Variants in LRMDA observed in about 807,000 individuals in gnomAD.
The protein encoded by LRMDA is leucine rich melanocyte differentiation associated, also known as leucine-rich melanocyte differentiation-associated protein.
LRMDA carries 18 observed loss-of-function variants against 29.8 expected under a neutral mutation model. The ratio of observed to expected loss-of-function variants is 0.60; its 90% CI spans 0.42 to 0.90. LRMDA has a LOEUF of 0.90. Among genes scored for constraint, LRMDA ranks in the 40% least tolerant of loss-of-function variants. LRMDA has a pLI of 0.00. For synonymous variants in LRMDA, 125 were observed against 109.4 expected (o/e 1.14, Z -0.89); for missense variants, 273 against 273.9 (o/e 1.00, Z 0.02).
At chr10:75,920,432 A>G (rs1191930165) in intron 2 of LRMDA, among the ~76,000 whole-genome samples, 2 of 152,218 alleles carry the variant, frequency 1.3e-5, no homozygotes, top group African/African-American at 2.4e-5. Context: ...TCACAAGAAA[A>G]TGAAGGACAG....
chr10:75,740,081 T>C (rs1001992429), intron 2 of LRMDA, among the ~76,000 whole-genome samples: 4 of 152,226 alleles, frequency 2.6e-5, no homozygotes, highest in African/African-American at 9.6e-5. Flanking sequence ...GGTAAATCAT[T>C]TAAGAGGCTC....
intron 2 of LRMDA, among the ~76,000 whole-genome samples, chr10:75,513,947 G>A (rs1248355706): frequency 6.6e-6 from 1 of 152,158 alleles, no homozygotes; most frequent in African/African-American, 2.4e-5. Context: ...GCCTACAATG[G>A]TAGGCAAGAA....
chr10:76,144,513 G>T (rs1439901210), intron 5 of LRMDA, among the ~76,000 whole-genome samples: 1 of 152,158 alleles, frequency 6.6e-6, no homozygotes, highest in East Asian at 1.9e-4. Flanking sequence ...TGGTGTATAA[G>T]AATGCTTGTG....
chr10:75,513,658 C>A (rs1390139675), intron 2 of LRMDA, among the ~76,000 whole-genome samples: 1 of 152,174 alleles, frequency 6.6e-6, no homozygotes, highest in Non-Finnish European at 1.5e-5. Context: ...GTTTCTTTGC[C>A]TTCCCAGCTT....
chr10:76,225,902 G>C (rs886987673), intron 5 of LRMDA, among the ~76,000 whole-genome samples: 4 of 117,664 alleles, frequency 3.4e-5, no homozygotes, highest in Non-Finnish European at 4.9e-5. Context: ...ACAGCCCCCG[G>C]TGTGTGATGT....
At chr10:75,483,718 AC>A (rs1156582385) in intron 2 of LRMDA, among the ~76,000 whole-genome samples, 1 of 152,232 alleles carries the variant, frequency 6.6e-6, no homozygotes, top group Non-Finnish European at 1.5e-5. Flanking sequence ...AAGCCACCTT[AC>A]TACTGTCTCT....
intron 6 of LRMDA, among the ~76,000 whole-genome samples, chr10:76,483,919 T>TA (rs1842756839): frequency 1.3e-5 from 2 of 151,908 alleles, no homozygotes; most frequent in African/African-American, 4.8e-5. Flanking sequence ...ATGATGCAGC[T>TA]GTTTATTTAC....
rs1842044767 is a variant in LRMDA at position 75,683,227 on chromosome 10, A to G, written c.131+244733A>G. On this transcript the variant is annotated intron_variant, in intron 2 of 6. Transcript: ENST00000611255. ...AATAATGCTGCTGTAAACCAGGCCA[A>G]GGCAGCACTCACCAAATTTCCTAGG... 2.6e-5 allele frequency among the ~76,000 whole-genome samples: 4 copies of G among 152,250 alleles called. No homozygotes were observed. The South Asian group carries it at 8.3e-4, about 31-fold the overall frequency.
At chr10:75,854,156 T>C (rs934545088) in intron 2 of LRMDA, among the ~76,000 whole-genome samples, 5 of 152,186 alleles carry the variant, frequency 3.3e-5, no homozygotes, top group Non-Finnish European at 5.9e-5. Flanking sequence ...CTCATGCGAA[T>C]GAGTGGCTCT....
At chr10:76,078,336 A>C (rs1239962500) in intron 5 of LRMDA, among the ~76,000 whole-genome samples, 1 of 152,040 alleles carries the variant, frequency 6.6e-6, no homozygotes, top group Non-Finnish European at 1.5e-5. Context: ...ACGTGTTTAC[A>C]CAGGTGACCT....
At chr10:76,201,640 TAC>T (rs1851433361) in intron 5 of LRMDA, among the ~76,000 whole-genome samples, 1 of 152,226 alleles carries the variant, frequency 6.6e-6, no homozygotes, top group Admixed American at 6.5e-5. Context: ...TTTTGTTGGA[TAC>T]ATTTTTCATG....
At chr10:76,142,683 T>TTTA (rs35542542) in intron 5 of LRMDA, among the ~76,000 whole-genome samples, 3,000 of 147,314 alleles carry the variant, frequency 0.02, 47 homozygotes, top group East Asian at 0.078. Context: ...TGTTATTATC[T>TTTA]TTATTATTAT....
At chr10:76,360,004 A>T (rs551443363) in intron 6 of LRMDA, among the ~76,000 whole-genome samples, 15 of 150,258 alleles carry the variant, frequency 1.0e-4, no homozygotes, top group African/African-American at 3.4e-4. Context: ...GTTTTTTTTT[A>T]TTTTTTTGAG....
chr10:76,148,113 G>C (rs186884890), intron 5 of LRMDA, among the ~76,000 whole-genome samples: 3 of 152,164 alleles, frequency 2.0e-5, no homozygotes, highest in Middle Eastern at 3.2e-3. Context: ...GTGCCTCCCC[G>C]TTAGGCTACT....
intron 2 of LRMDA, among the ~76,000 whole-genome samples, chr10:75,783,985 C>A (rs887803188): frequency 1.3e-5 from 2 of 152,110 alleles, no homozygotes; most frequent in Non-Finnish European, 2.9e-5. Context: ...AGAAGCAATA[C>A]CTAATTGCCG....
At chr10:75,685,549 A>G (rs146512316) in intron 2 of LRMDA, among the ~76,000 whole-genome samples, 48 of 152,310 alleles carry the variant, frequency 3.2e-4, no homozygotes, top group African/African-American at 1.0e-3. Context: ...TCATCCATCT[A>G]TCTTCTCATG....
At chr10:76,241,578 G>A (rs764832047) in intron 5 of LRMDA, among the ~76,000 whole-genome samples, 3 of 152,156 alleles carry the variant, frequency 2.0e-5, no homozygotes, top group Non-Finnish European at 2.9e-5. Flanking sequence ...GGCATTGACT[G>A]TATGAAATGG....
At chr10:76,075,355 A>G (rs1848940406) in intron 5 of LRMDA, among the ~76,000 whole-genome samples, 1 of 152,230 alleles carries the variant, frequency 6.6e-6, no homozygotes, top group Non-Finnish European at 1.5e-5. Flanking sequence ...GAGATGACCA[A>G]GTAAAGAGGC....
chr10:75,557,654 C>A (rs920369557), intron 2 of LRMDA, among the ~76,000 whole-genome samples: 2 of 152,184 alleles, frequency 1.3e-5, no homozygotes, highest in Non-Finnish European at 2.9e-5. Flanking sequence ...ACTGGCTCTC[C>A]TTCAATATTG....
Sources: allele counts gnomAD v4.1 joint callset (sites outside exome capture counted in the v4.1 genomes callset), GRCh38; gene constraint gnomAD v4.1.1; transcripts MANE v1.5; gene names NCBI Gene and HGNC (gene_info 2026-07-23, HGNC 2026-07-21).